The following PLXND1 variants were observed in gnomAD, a reference collection of about 807,000 sequenced individuals.
The protein encoded by PLXND1 is plexin-D1.
PLXND1 carries 54 observed loss-of-function variants against 197.7 expected under a neutral mutation model. The observed-to-expected ratio is 0.27, with a 90% CI of 0.22 to 0.34. The LOEUF (loss-of-function observed/expected upper bound fraction) is 0.34, where lower values mean the gene tolerates loss of function less well. Among genes scored for constraint, PLXND1 ranks in the 10% least tolerant of loss-of-function variants. The probability of loss-of-function intolerance (pLI) is 1.00; values close to 1 mark genes in which losing one functional copy is unlikely to be tolerated. For synonymous variants in PLXND1, 1,180 were observed against 1,161.2 expected (o/e 1.02, Z -0.33); for missense variants, 2,127 against 2,699.2 (o/e 0.79, Z 4.70).
intron 12 of PLXND1, 41 bp from the exon 13 acceptor site, chr3:129,573,786 C>A: frequency 6.3e-7 from 1 of 1,599,010 alleles, no homozygotes; most frequent in Non-Finnish European, 8.5e-7. Context: ...GGATCTGAGG[C>A]TGCAGGCCAG....
chr3:129,589,671 C>A, intron 1 of PLXND1, 144 bp from the exon 2 acceptor site: 1 of 704,678 alleles, frequency 1.4e-6, no homozygotes, highest in Non-Finnish European at 2.3e-6. Context: ...AGCTGAGGCC[C>A]AAACACAAAC....
chr3:129,566,431 C>G (rs1001584803), intron 23 of PLXND1, 96 bp downstream of exon 23: 1 of 787,082 alleles, frequency 1.3e-6, no homozygotes. Context: ...CTCCGCATGA[C>G]AGGGATCAAT....
intron 1 of PLXND1, among the ~76,000 whole-genome samples, chr3:129,597,367 T>A (rs554085975): frequency 2.0e-5 from 3 of 152,310 alleles, no homozygotes; most frequent in East Asian, 3.9e-4. Context: ...TGGCTGCTTC[T>A]AGAGAGCTCA....
At chr3:129,605,163 G>A (rs914272098) in intron 1 of PLXND1, among the ~76,000 whole-genome samples, 166 bp downstream of exon 1, 1 of 152,044 alleles carries the variant, frequency 6.6e-6, no homozygotes, top group African/African-American at 2.4e-5. Flanking sequence ...TACCCCTCGG[G>A]GGACACCTGT....
chr3:129,587,365 G>A (rs1006188955), intron 2 of PLXND1, among the ~76,000 whole-genome samples: 5 of 152,344 alleles, frequency 3.3e-5, no homozygotes, highest in African/African-American at 7.2e-5. Context: ...GGCTAGGGGT[G>A]TGGAACCAAG....
intron 2 of PLXND1, 91 bp downstream of exon 2, chr3:129,589,260 T>C (rs2085501977): frequency 8.6e-6 from 7 of 810,558 alleles, no homozygotes; most frequent in Non-Finnish European, 1.4e-5. Flanking sequence ...GCTGGACCTG[T>C]AGCAGCCCTG....
rs2085000897 is a variant in PLXND1 at position 129,558,102 on chromosome 3, G to A, written c.5445+326C>T. Reference sequence around the variant, plus strand: ...CCTGGCCCGGTTTTCAGATGATGTTGTGCCTGACCAAGCAGGTTGTCCAAG... The same window carrying A: ...CCTGGCCCGGTTTTCAGATGATGTTATGCCTGACCAAGCAGGTTGTCCAAG... On this transcript the variant is annotated intron_variant, in intron 33 of 35. Transcript: ENST00000324093. The surrounding 1 kb of genome is among the most constrained non-coding windows in gnomAD (Gnocchi z 4.1). Among the ~76,000 whole-genome samples, 1 of 152,212 alleles carries A rather than the reference G, an allele frequency of 6.6e-6. No individual in the cohort carries two copies. The highest frequency in any genetic ancestry group is 1.5e-5 in the Non-Finnish European group (1 of 68,050).
At position 129,571,513 on chromosome 3, in the gene PLXND1, G is replaced by A. The variant is rs201941160; in HGVS notation, c.3332C>T (p.Pro1111Leu). The A allele has an allele frequency of 5.0e-5, 81 of 1,613,308 alleles. No homozygotes were observed. The South Asian group carries it at 7.0e-4, about 14-fold the overall frequency. ...SMAVHHIGRE[P>L]TLCKVLNSTL... ...TCAGGCCCCCGAATGCCTCACCGTGGGCTCCCGGCCAATGTGGTGGACGGC... is the reference window on the plus strand; with the variant it reads ...TCAGGCCCCCGAATGCCTCACCGTGAGCTCCCGGCCAATGTGGTGGACGGC... The change falls in exon 17 of 36, where the codon CCC becomes CTC. Residue 1111 changes from proline (P) to leucine (L), a missense_variant. Around this residue, in one of 6 missense-constraint regions of PLXND1, gnomAD observed 532 missense variants for 811.0 expected, o/e 0.66. Coordinates refer to ENST00000324093, the MANE Select transcript of PLXND1 (RefSeq NM_015103.3).
intron 24 of PLXND1, 92 bp from the exon 25 acceptor site, chr3:129,565,630 G>A (rs927469399): frequency 1.7e-5 from 20 of 1,158,360 alleles, no homozygotes; most frequent in South Asian, 9.7e-5. Context: ...CGGGCCCATC[G>A]ATCCCAGGAG....
At chr3:129,569,773 A>G in intron 20 of PLXND1, 70 bp downstream of exon 20, 1 of 856,652 alleles carries the variant, frequency 1.2e-6, no homozygotes, top group Non-Finnish European at 2.0e-6. Context: ...CCCATCTGCC[A>G]ATCTTCAGAG....
intron 9 of PLXND1, among the ~76,000 whole-genome samples, chr3:129,576,170 C>T (rs74960238): frequency 3.7e-4 from 57 of 152,328 alleles, no homozygotes; most frequent in Non-Finnish European, 5.1e-4. Flanking sequence ...CCACTCCCAG[C>T]GGGGTTCCCC....
chr3:129,585,670 A>C (rs932211154), intron 5 of PLXND1, among the ~76,000 whole-genome samples: 2 of 152,112 alleles, frequency 1.3e-5, no homozygotes, highest in African/African-American at 4.8e-5. Flanking sequence ...AAGTCGTTTC[A>C]CCACTTGGTG....
intron 5 of PLXND1, among the ~76,000 whole-genome samples, chr3:129,584,840 G>A (rs573905194): frequency 1.1e-4 from 17 of 152,222 alleles, no homozygotes; most frequent in East Asian, 3.9e-4. Flanking sequence ...AATACTCTCC[G>A]AAACAGCTGA....
At chr3:129,559,551 G>C in intron 32 of PLXND1, 69 bp downstream of exon 32, 1 of 1,308,176 alleles carries the variant, frequency 7.6e-7, no homozygotes, top group Non-Finnish European at 1.0e-6. Context: ...CAGAAGACTA[G>C]ACTCTGAACC....
chr3:129,558,333 T>G lies in PLXND1; in HGVS notation c.5445+95A>C. On this transcript the variant is annotated intron_variant, in intron 33 of 35. Transcript: ENST00000324093. The surrounding 1 kb of genome is among the most constrained non-coding windows in gnomAD (Gnocchi z 4.1). ...TTGGTTCCCCTCCCAGGAAGATCTC[T>G]GAGCTCAGCCTCAGAGAGTCGAGGA... 6 of 1,234,494 alleles carry G rather than the reference T, an allele frequency of 4.9e-6. No individual in the cohort carries two copies. The highest frequency in any genetic ancestry group is 1.5e-5 in the African/African-American group (1 of 66,760). The allele number at this position is 1,234,494 out of a possible 1,614,324, so 76.5% of individuals were successfully genotyped here.
In PLXND1 at chr3:129,572,671, G is replaced by A. The variant is rs779289470; in HGVS notation, c.3015C>T (p.Asp1005=). 1.9e-6 allele frequency: 3 copies of A among 1,606,150 alleles called. No individual in the cohort carries two copies. Among genetic ancestry groups the A allele is most frequent in the Admixed American group, 1.7e-5 (1 of 59,240 alleles). Residue 1005 remains aspartate (D), a synonymous_variant, in exon 15 of 36, where the codon GAC becomes GAT. Coordinates refer to ENST00000324093, the MANE Select transcript of PLXND1 (RefSeq NM_015103.3). Reference sequence around the variant, plus strand: ...CCTGGAGCTCGGAGCCTACATGGAGGTCATTCCCATGGATGGTGATCCTGG... The same window carrying A: ...CCTGGAGCTCGGAGCCTACATGGAGATCATTCCCATGGATGGTGATCCTGG... The part of the protein sequence containing the change: ...GGTRITIHGN[D]LHVGSELQVL...
In PLXND1 at chr3:129,556,399, C is replaced by G; in HGVS notation, c.5691G>C (p.Thr1897=). ...QIMAALEANP[T]ARRTQLQHKF... ...TGTGCTGCAGTTGTGTCCTCCGGGC[C>G]GTGGGGTTGGCCTCCAGCGCGGCCA... is the stretch of plus-strand genomic sequence containing the variant. The change falls in exon 36 of 36, where the codon ACG becomes ACC. Residue 1897 remains threonine, a synonymous_variant. Transcript: ENST00000324093. The G allele has an allele frequency of 6.2e-7, 1 of 1,614,172 alleles. No individual in the cohort carries two copies. Among genetic ancestry groups the G allele is most frequent in the South Asian group, 1.1e-5 (1 of 91,078 alleles).
chr3:129,571,690 G>A lies in PLXND1; in HGVS notation c.3232C>T (p.Arg1078Cys), dbSNP rs752984753. The A allele has an allele frequency of 1.5e-5, 24 of 1,613,832 alleles. No individual in the cohort carries two copies. The highest frequency in any genetic ancestry group is 6.6e-5 in the South Asian group (6 of 91,084). ...TGCCAGTCTCACCTGACAGGGCTGC[G>A]GCGGGGACTGATGGCCGTGATGACC... ...NPVITAISPR[R>C]SPVSGGRTIT... Residue 1078 changes from arginine (R) to cysteine (C), a missense_variant, in exon 16 of 36, where the codon CGC becomes TGC. Arg to Cys is a radical substitution (Grantham distance 180). Transcript: ENST00000324093.
chr3:129,559,502 G>A (rs1301823762), intron 32 of PLXND1, 118 bp downstream of exon 32: 17 of 744,454 alleles, frequency 2.3e-5, no homozygotes, highest in Non-Finnish European at 3.5e-5. Flanking sequence ...ACACAGCTGG[G>A]AAATGGCAGA....
Sources: allele counts gnomAD v4.1 joint callset (sites outside exome capture counted in the v4.1 genomes callset), GRCh38; gene constraint gnomAD v4.1.1; regional missense constraint gnomAD v4.1.1; non-coding constraint Gnocchi (gnomAD v3.1); transcripts MANE v1.5; gene names NCBI Gene and HGNC (gene_info 2026-07-23, HGNC 2026-07-21).